The following CFAP299 variants were observed in gnomAD, a reference collection of about 807,000 sequenced individuals.
CFAP299 encodes the protein cilia and flagella associated protein 299.
In CFAP299, 21 loss-of-function variants were observed where a neutral mutation model predicts 27.0. That is an observed-to-expected ratio of 0.78 (90% CI 0.55 to 1.12). CFAP299 has a LOEUF of 1.12. CFAP299 is among the 50% of genes most tolerant of loss of function. The pLI, the probability that CFAP299 is intolerant of heterozygous loss-of-function variation, is 0.00. For missense variants in CFAP299, 310 were observed against 276.6 expected (o/e 1.12, Z -0.86); for synonymous variants, 104 against 98.1 (o/e 1.06, Z -0.36).
chr4:80,422,876 A>G (rs1023549166), intron 2 of CFAP299, among the ~76,000 whole-genome samples: 1 of 152,158 alleles, frequency 6.6e-6, no homozygotes, highest in Non-Finnish European at 1.5e-5. Flanking sequence ...CCTTGTGCAA[A>G]CATCACAGAG....
At chr4:80,725,605 C>T (rs1723113620) in intron 3 of CFAP299, among the ~76,000 whole-genome samples, 2 of 152,166 alleles carry the variant, frequency 1.3e-5, no homozygotes, top group South Asian at 4.1e-4. Context: ...TTTCTCTTCA[C>T]AGGTCAGTTT....
intron 3 of CFAP299, among the ~76,000 whole-genome samples, chr4:80,797,005 C>T (rs995801124): frequency 2.6e-5 from 4 of 152,092 alleles, no homozygotes; most frequent in Admixed American, 1.3e-4. Context: ...GTAAGTTGGA[C>T]CTGAGCTAAA....
Position 80,583,132 on chromosome 4 carries a change from T to G in CFAP299, c.282T>G (p.Phe94Leu), listed in dbSNP as rs749233735. 2 of 1,606,086 alleles carry G rather than the reference T, an allele frequency of 1.2e-6. No homozygotes were observed. The highest frequency in any genetic ancestry group is 2.2e-5 in the South Asian group (2 of 90,164). Residue 94 changes from phenylalanine to leucine, a missense_variant, in exon 3 of 6, where the codon TTT becomes TTG. Transcript: ENST00000358105. ...CTGGTAAAGACCTACAAGATAATTT[T>G]CTGACGGCCCTGGCAATGAGAGAAG... ...TSAGKDLQDN[F>L]LTALAMREED...
chr4:80,882,245 C>G (rs1245360120), intron 4 of CFAP299, among the ~76,000 whole-genome samples: 1 of 152,108 alleles, frequency 6.6e-6, no homozygotes, highest in African/African-American at 2.4e-5. Context: ...AAGCTAGATT[C>G]ATGAAGGCCA....
intron 2 of CFAP299, among the ~76,000 whole-genome samples, chr4:80,500,511 A>G (rs1731688814): frequency 6.6e-6 from 1 of 152,086 alleles, no homozygotes; most frequent in Non-Finnish European, 1.5e-5. Context: ...CAAACTATCA[A>G]ATTTTAAATT....
chr4:80,608,662 T>A (rs76569015), intron 3 of CFAP299, among the ~76,000 whole-genome samples: 17 of 152,154 alleles, frequency 1.1e-4, no homozygotes, highest in Non-Finnish European at 2.4e-4. Flanking sequence ...ACAACTCTTA[T>A]ATTTTAAAAT....
intron 4 of CFAP299, among the ~76,000 whole-genome samples, chr4:80,890,912 GT>G (rs1206740979): frequency 8.2e-4 from 120 of 146,304 alleles, no homozygotes; most frequent in African/African-American, 2.8e-3. Context: ...GGGGTTGTTT[GT>G]TTTTTTCTTG....
At chr4:80,334,111 T>C (rs1027871086), upstream of CFAP299, among the ~76,000 whole-genome samples, 5 of 152,232 alleles carry the variant, frequency 3.3e-5, no homozygotes, top group Non-Finnish European at 5.9e-5. Flanking sequence ...TCTAGACTCA[T>C]TGACTGAAAA....
At chr4:80,720,039 A>G (rs72864861) in intron 3 of CFAP299, among the ~76,000 whole-genome samples, 8,875 of 152,260 alleles carry the variant, frequency 0.058, 400 homozygotes, top group East Asian at 0.23. Context: ...TCCAGGATGC[A>G]GTGAGGATGG....
At chr4:80,340,891 C>T (rs981278556) in intron 1 of CFAP299, among the ~76,000 whole-genome samples, 1 of 151,980 alleles carries the variant, frequency 6.6e-6, no homozygotes, top group Non-Finnish European at 1.5e-5. Context: ...TTTTACTGCC[C>T]CAGCCTCCCA....
chr4:80,621,659 G>A (rs1178391141), intron 3 of CFAP299, among the ~76,000 whole-genome samples: 1 of 152,050 alleles, frequency 6.6e-6, no homozygotes, highest in African/African-American at 2.4e-5. Context: ...AAAGACTCTA[G>A]AAGGTCTTAT....
intron 3 of CFAP299, among the ~76,000 whole-genome samples, chr4:80,786,821 G>A (rs1197111052): frequency 5.3e-5 from 8 of 152,018 alleles, no homozygotes; most frequent in African/African-American, 1.9e-4. Context: ...AATGCTTGAA[G>A]GGTTGCTATA....
intron 3 of CFAP299, among the ~76,000 whole-genome samples, chr4:80,661,556 C>T (rs1740847651): frequency 6.6e-6 from 1 of 152,074 alleles, no homozygotes; most frequent in Non-Finnish European, 1.5e-5. Flanking sequence ...TTGTGATTTC[C>T]TATGCCTATC....
At chr4:80,444,829 C>T (rs755586398) in intron 2 of CFAP299, among the ~76,000 whole-genome samples, 2 of 151,970 alleles carry the variant, frequency 1.3e-5, no homozygotes, top group Non-Finnish European at 2.9e-5. Context: ...AACAAATTTA[C>T]AAGAAAAAAA....
At chr4:80,716,006 T>C (rs1578052099) in intron 3 of CFAP299, among the ~76,000 whole-genome samples, 2 of 152,168 alleles carry the variant, frequency 1.3e-5, no homozygotes, top group East Asian at 3.9e-4. Flanking sequence ...ATTTTTAATA[T>C]GTCTAAATCT....
intron 2 of CFAP299, among the ~76,000 whole-genome samples, chr4:80,571,474 G>T (rs1321517659): frequency 6.6e-6 from 1 of 152,058 alleles, no homozygotes; most frequent in African/African-American, 2.4e-5. Context: ...ACTTGAAGTA[G>T]TTTCAAGTTG....
At chr4:80,453,418 A>G (rs1728989406) in intron 2 of CFAP299, among the ~76,000 whole-genome samples, 1 of 152,172 alleles carries the variant, frequency 6.6e-6, no homozygotes, top group African/African-American at 2.4e-5. Flanking sequence ...TTTAGTGTGT[A>G]TGTATCCTGT....
At chr4:80,891,765 T>TG (rs1553903759) in intron 4 of CFAP299, among the ~76,000 whole-genome samples, 1 of 59,086 alleles carries the variant, frequency 1.7e-5, no homozygotes, top group African/African-American at 8.4e-5. Flanking sequence ...TAGAGTATAA[T>TG]AAAAAAAAAA....
At chr4:80,390,955 G>A (rs1182675736) in intron 2 of CFAP299, among the ~76,000 whole-genome samples, 5 of 19,440 alleles carry the variant, frequency 2.6e-4, no homozygotes, top group African/African-American at 2.7e-4. Flanking sequence ...GTACACACAT[G>A]TATATATGTA....
Sources: allele counts gnomAD v4.1 joint callset (sites outside exome capture counted in the v4.1 genomes callset), GRCh38; gene constraint gnomAD v4.1.1; transcripts MANE v1.5; gene names NCBI Gene and HGNC (gene_info 2026-07-23, HGNC 2026-07-21).